The following MYO16 variants were observed in gnomAD, a reference collection of about 807,000 sequenced individuals.
The protein encoded by MYO16 is unconventional myosin-XVI.
In MYO16, 94 loss-of-function variants were observed where a neutral mutation model predicts 205.3. The ratio of observed to expected loss-of-function variants is 0.46; its 90% CI spans 0.39 to 0.54. The LOEUF (loss-of-function observed/expected upper bound fraction) is 0.54, where lower values mean the gene tolerates loss of function less well. Among genes scored for constraint, MYO16 ranks in the 20% least tolerant of loss-of-function variants. MYO16 has a pLI of 0.00. For synonymous variants in MYO16, 988 were observed against 954.0 expected (o/e 1.04, Z -0.66); for missense variants, 2,315 against 2,387.5 (o/e 0.97, Z 0.63).
Position 109,141,383 on chromosome 13 carries a change from G to A in MYO16, c.5164+7G>A. The stretch of plus-strand genomic sequence containing the variant: ...AAAATCAGGGAAGCAGAAGGTAAGC[G>A]GAGCAGACATCCCCCCACTCCTTTT... On this transcript the variant is annotated splice_region_variant and intron_variant, in intron 32 of 34. Coordinates refer to ENST00000457511, the MANE Select transcript of MYO16 (RefSeq NM_001198950.3). This position sits in a 1 kb window ranked among gnomAD's most constrained non-coding sequence, Gnocchi z 4.1. 1 of 1,478,984 alleles carries A rather than the reference G, an allele frequency of 6.8e-7. No homozygotes were observed. The highest frequency in any genetic ancestry group is 2.6e-5 in the East Asian group (1 of 38,566). 91.6% of individuals were successfully genotyped at this position (1,478,984 alleles called of 1,614,324 possible).
At chr13:108,561,518 A>G in the MYO16 span, among the ~76,000 whole-genome samples, 1 of 152,180 alleles carries the variant, frequency 6.6e-6, no homozygotes, top group African/African-American at 2.4e-5. Flanking sequence ...TTTCTTATAA[A>G]AGGTACAAAT....
chr13:108,921,427 C>T (rs1384512158), intron 16 of MYO16, among the ~76,000 whole-genome samples: 3 of 151,616 alleles, frequency 2.0e-5, no homozygotes, highest in African/African-American at 7.3e-5. Flanking sequence ...ATAAAATGCT[C>T]TCTTATCAGT....
chr13:108,992,079 A>G (rs1038351724), intron 20 of MYO16, among the ~76,000 whole-genome samples: 1 of 152,190 alleles, frequency 6.6e-6, no homozygotes, highest in African/African-American at 2.4e-5. Context: ...TTTGCAAACT[A>G]TGCATTGGAC....
At chr13:108,724,401 G>A (rs1456136643) in intron 3 of MYO16, among the ~76,000 whole-genome samples, 1 of 152,150 alleles carries the variant, frequency 6.6e-6, no homozygotes, top group African/African-American at 2.4e-5. Flanking sequence ...GGAAGGGGTG[G>A]AAGTTTTCTT....
intron 11 of MYO16, among the ~76,000 whole-genome samples, chr13:108,858,912 T>C (rs1594349579): frequency 6.6e-6 from 1 of 152,134 alleles, no homozygotes; most frequent in Admixed American, 6.5e-5. Flanking sequence ...GGCCTTGGTG[T>C]CTCATGAGTA....
intron 4 of MYO16, among the ~76,000 whole-genome samples, chr13:108,749,710 C>T (rs1168930051): frequency 1.3e-5 from 2 of 152,200 alleles, no homozygotes; most frequent in African/African-American, 2.4e-5. Context: ...ACTTTGGAGA[C>T]ACTTGGCAGT....
At chr13:108,535,902 T>C in the MYO16 span, among the ~76,000 whole-genome samples, 2 of 152,118 alleles carry the variant, frequency 1.3e-5, no homozygotes, top group Non-Finnish European at 2.9e-5. Context: ...TTCTGAAAAT[T>C]TGGAGTGGGG....
At chr13:108,540,220 T>C in the MYO16 span, among the ~76,000 whole-genome samples, 1 of 152,170 alleles carries the variant, frequency 6.6e-6, no homozygotes, top group African/African-American at 2.4e-5. Context: ...TATAGTCATA[T>C]ATGCATATTC....
intron 6 of MYO16, among the ~76,000 whole-genome samples, chr13:108,806,156 T>C (rs985833711): frequency 6.6e-6 from 1 of 152,076 alleles, no homozygotes; most frequent in Admixed American, 6.6e-5. Context: ...AATGTTACAA[T>C]GGTAGCTACA....
At chr13:108,956,852 T>G (rs1433298377) in intron 16 of MYO16, among the ~76,000 whole-genome samples, 1 of 152,152 alleles carries the variant, frequency 6.6e-6, no homozygotes, top group Non-Finnish European at 1.5e-5. Flanking sequence ...CCTGGATAGT[T>G]TATTTTGCTG....
intron 33 of MYO16, among the ~76,000 whole-genome samples, chr13:109,177,114 C>G (rs1879234669): frequency 6.6e-6 from 1 of 152,160 alleles, no homozygotes; most frequent in South Asian, 2.1e-4. Flanking sequence ...TTTGTTCGCC[C>G]TCCACAATTC....
chr13:108,652,836 G>T (rs561455418), intron 1 of MYO16, among the ~76,000 whole-genome samples: 2 of 152,272 alleles, frequency 1.3e-5, no homozygotes, highest in South Asian at 2.1e-4. Flanking sequence ...ATTTTGAATA[G>T]AGCTTTTGTA....
chr13:108,722,382 G>A (rs994165662), intron 3 of MYO16, among the ~76,000 whole-genome samples: 2 of 152,116 alleles, frequency 1.3e-5, no homozygotes, highest in African/African-American at 4.8e-5. Context: ...ATTGTAACAG[G>A]AATGTTCCAC....
chr13:109,039,791 T>C (rs980244049), intron 23 of MYO16, among the ~76,000 whole-genome samples: 2 of 151,946 alleles, frequency 1.3e-5, no homozygotes, highest in African/African-American at 2.4e-5. Flanking sequence ...CTCAGGAACG[T>C]AGGAGCAAAA....
At chr13:109,129,675 A>G (rs764440070) in intron 31 of MYO16, among the ~76,000 whole-genome samples, 2 of 152,186 alleles carry the variant, frequency 1.3e-5, no homozygotes, top group Non-Finnish European at 2.9e-5. Flanking sequence ...GACCGATAAG[A>G]TGGAGAGGGT....
At chr13:108,529,976 A>G in the MYO16 span, among the ~76,000 whole-genome samples, 1 of 152,088 alleles carries the variant, frequency 6.6e-6, no homozygotes, top group East Asian at 1.9e-4. Context: ...GTTTTCTAGA[A>G]CCCCAAGTAG....
chr13:108,668,009 A>G (rs1337997134), intron 2 of MYO16, among the ~76,000 whole-genome samples: 1 of 152,168 alleles, frequency 6.6e-6, no homozygotes, highest in Non-Finnish European at 1.5e-5. Flanking sequence ...CTGCACTCCA[A>G]TCTGTGCAAC....
chr13:108,789,566 C>T (rs544811273), intron 5 of MYO16, among the ~76,000 whole-genome samples: 4 of 152,276 alleles, frequency 2.6e-5, no homozygotes, highest in Non-Finnish European at 5.9e-5. Flanking sequence ...ATAAGATGGT[C>T]GCAAGTCGTG....
chr13:108,564,228 T>TG, the MYO16 span, among the ~76,000 whole-genome samples: 1 of 150,634 alleles, frequency 6.6e-6, no homozygotes, highest in Admixed American at 6.7e-5. Flanking sequence ...TGGAATGCAG[T>TG]GGCACCATCT....
Sources: allele counts gnomAD v4.1 joint callset (sites outside exome capture counted in the v4.1 genomes callset), GRCh38; gene constraint gnomAD v4.1.1; non-coding constraint Gnocchi (gnomAD v3.1); transcripts MANE v1.5; gene names NCBI Gene and HGNC (gene_info 2026-07-23, HGNC 2026-07-21).